The following SLC8A2 variants were observed in gnomAD, a reference collection of about 807,000 sequenced individuals.
SLC8A2 encodes solute carrier family 8 member A2.
In SLC8A2, 14 loss-of-function variants were observed where a neutral mutation model predicts 70.2. The ratio of observed to expected loss-of-function variants is 0.20; its 90% CI spans 0.13 to 0.31. The LOEUF (loss-of-function observed/expected upper bound fraction) is 0.31, where lower values mean the gene tolerates loss of function less well. Ranked by LOEUF, SLC8A2 falls within the 10% of genes least tolerant of loss-of-function variation. SLC8A2 has a pLI of 1.00. For missense variants in SLC8A2, 779 were observed against 1,320.1 expected (o/e 0.59, Z 6.35); for synonymous variants, 575 against 594.3 (o/e 0.97, Z 0.47).
At chr19:47,446,181 T>C (rs926528175) in intron 4 of SLC8A2, among the ~76,000 whole-genome samples, 2 of 151,344 alleles carry the variant, frequency 1.3e-5, no homozygotes, top group Admixed American at 6.6e-5. Flanking sequence ...GGGACTCCGC[T>C]TGAGTAGGAG....
At position 47,443,926 on chromosome 19, in the gene SLC8A2, C is replaced by T. The variant is rs145815390; in HGVS notation, c.1764-2486G>A. 1.3e-3 allele frequency among the ~76,000 whole-genome samples: 200 copies of T among 152,170 alleles called. 1 individual carries two copies. Among genetic ancestry groups the T allele is most frequent in the African/African-American group, 3.6e-3 (150 of 41,522 alleles). On this transcript the variant is annotated intron_variant, in intron 4 of 9. Transcript: ENST00000236877. ...TCTCCCTTTTTTTGAAACAAAGTCT[C>T]GCTCTGTTGCCCAGGCTGGAGTGCA...
rs564805993 is a variant in SLC8A2 at position 47,437,149 on chromosome 19, C to T, written c.2110+313G>A. On this transcript the variant is annotated intron_variant, in intron 8 of 9. Transcript: ENST00000236877. The stretch of plus-strand genomic sequence containing the variant: ...CACCGTTCATTCTGTCTCATGTCTT[C>T]TCCATGTCTCTCTGATTCTCCCTGT... 2.6e-5 allele frequency among the ~76,000 whole-genome samples: 4 copies of T among 152,284 alleles called. No individual in the cohort carries two copies. In the East Asian group the frequency reaches 7.7e-4, roughly 29 times the overall value.
intron 2 of SLC8A2, among the ~76,000 whole-genome samples, chr19:47,458,818 GTT>G (rs1599857433): frequency 6.9e-6 from 1 of 144,132 alleles, no homozygotes; most frequent in East Asian, 2.1e-4. Context: ...TCCCGTCACC[GTT>G]TCTCTCTCTC....
chr19:47,432,510 T>C lies in SLC8A2; in HGVS notation c.2111-65A>G. On this transcript the variant is annotated intron_variant, in intron 8 of 9. Transcript: ENST00000236877. The surrounding 1 kb of genome is among the most constrained non-coding windows in gnomAD (Gnocchi z 6.2). ...TCCTTCCTTGCCTACAGAGGCCCCA[T>C]TTTGTCTAACTTCCTGACAGCAAGT... is the stretch of plus-strand genomic sequence containing the variant. The C allele has an allele frequency of 6.8e-7, 1 of 1,472,018 alleles. No individual in the cohort carries two copies. Among genetic ancestry groups the C allele is most frequent in the South Asian group, 1.3e-5 (1 of 74,730 alleles). The allele number at this position is 1,472,018 out of a possible 1,614,324, so 91.2% of individuals were successfully genotyped here.
chr19:47,468,799 CAA>C lies in SLC8A2; in HGVS notation c.-16-2382_-16-2381del, dbSNP rs747364227. 6.6e-5 allele frequency among the ~76,000 whole-genome samples: 10 copies of C among 152,184 alleles called. No individual in the cohort carries two copies. The highest frequency in any genetic ancestry group is 1.5e-4 in the Non-Finnish European group (10 of 68,040). On this transcript the variant is annotated intron_variant, in intron 1 of 9. Transcript: ENST00000236877. This position sits in a 1 kb window ranked among gnomAD's most constrained non-coding sequence, Gnocchi z 5.1. ...AACTCTGGCTCCCAGGTCGCCTCTCCAAGAGTGGCCCTGACTCTGAGCTCCTC... is the reference window on the plus strand; with the variant it reads ...AACTCTGGCTCCCAGGTCGCCTCTCCGAGTGGCCCTGACTCTGAGCTCCTC...
chr19:47,434,288 A>T (rs991316198), intron 8 of SLC8A2, among the ~76,000 whole-genome samples: 1 of 152,010 alleles, frequency 6.6e-6, no homozygotes, highest in East Asian at 1.9e-4. Flanking sequence ...CCAGGCCCAC[A>T]TGCCTAGGCT....
In SLC8A2 at chr19:47,429,517, T is replaced by G. The variant is rs1599841327; in HGVS notation, c.*572A>C. 6.5e-6 allele frequency: 1 copy of G among 153,822 alleles called. No homozygotes were observed. The highest frequency in any genetic ancestry group is 1.5e-5 in the Non-Finnish European group (1 of 68,938). The allele number at this position is 153,822 out of a possible 1,614,324, so 9.5% of individuals were successfully genotyped here. A position where few individuals can be genotyped will look rare whatever the true frequency, so the allele number is the denominator to read the frequency against. Reference sequence around the variant, plus strand: ...CGAGTGGAGGGATTGGAAGGAACGGTGTGCGGCCTCCTTGCGCGCACACCC... The same window carrying G: ...CGAGTGGAGGGATTGGAAGGAACGGGGTGCGGCCTCCTTGCGCGCACACCC... On this transcript the variant is annotated 3_prime_UTR_variant, in exon 10 of 10. Coordinates refer to ENST00000236877, the MANE Select transcript of SLC8A2 (RefSeq NM_015063.3).
rs950610467 is a variant in SLC8A2, at chr19:47,447,819, C to T, written c.1753G>A (p.Asp585Asn). The T allele has an allele frequency of 1.3e-6, 2 of 1,589,870 alleles. No individual in the cohort carries two copies. Among genetic ancestry groups the T allele is most frequent in the Non-Finnish European group, 1.7e-6 (2 of 1,175,492 alleles). Residue 585 changes from aspartate to asparagine, a missense_variant, in exon 4 of 10, where the codon GAC (aspartate) becomes AAC (asparagine). Transcript: ENST00000236877. The surrounding 1 kb of genome is among the most constrained non-coding windows in gnomAD (Gnocchi z 5.1). Reference sequence around the variant, plus strand: ...CTCGGGCGTGCTCACATGGTCTCGTCGTCGCCAAACTCCAGCTCTCCGCAC... The same window carrying T: ...CTCGGGCGTGCTCACATGGTCTCGTTGTCGCCAAACTCCAGCTCTCCGCAC... ...DACGELEFGD[D>N]ETMKTLQVKI... is the part of the protein sequence containing the mutation.
intron 4 of SLC8A2, among the ~76,000 whole-genome samples, chr19:47,442,270 A>C (rs1967108649): frequency 2.0e-5 from 3 of 152,172 alleles, no homozygotes; most frequent in Non-Finnish European, 4.4e-5. Context: ...CCCATGCTTC[A>C]GCCTCACCGC....
chr19:47,457,678 G>T, intron 2 of SLC8A2, 84 bp from the exon 3 acceptor site: 2 of 879,496 alleles, frequency 2.3e-6, no homozygotes, highest in Non-Finnish European at 3.3e-6. Context: ...GTCCGCCTCT[G>T]CCACTCCTCA....
chr19:47,442,408 G>A (rs11878840), intron 4 of SLC8A2, among the ~76,000 whole-genome samples: 106,696 of 152,054 alleles, frequency 0.7, 39,373 homozygotes, highest in Middle Eastern at 0.85. Context: ...AAGTCCTTAG[G>A]ATGGCCCACA....
Position 47,447,621 on chromosome 19 carries a change from TCGTGGGCATGGGTCACAGGCCCCG to T in SLC8A2, c.1763+164_1763+187del. On this transcript the variant is annotated intron_variant, in intron 4 of 9. Coordinates refer to ENST00000236877, the MANE Select transcript of SLC8A2 (RefSeq NM_015063.3). The surrounding 1 kb of genome is among the most constrained non-coding windows in gnomAD (Gnocchi z 5.1). ...GCTGTTCAGTGAAGCCCCGCCCACG[TCGTGGGCATGGGTCACAGGCCCCG>T]CCCACGTTGCGGGCACGGCCACGCA... is the stretch of plus-strand genomic sequence containing the variant. 3 of 395,246 alleles carry T rather than the reference TCGTGGGCATGGGTCACAGGCCCCG, an allele frequency of 7.6e-6. No individual in the cohort carries two copies. The highest frequency in any genetic ancestry group is 1.3e-5 in the Non-Finnish European group (3 of 228,900). The allele number at this position is 395,246 out of a possible 1,614,324, so 24.5% of individuals were successfully genotyped here. A position where few individuals can be genotyped will look rare whatever the true frequency, so the allele number is the denominator to read the frequency against.
rs539265002 is a variant in SLC8A2, at chr19:47,466,795, C to T, written c.-16-376G>A. On this transcript the variant is annotated intron_variant, in intron 1 of 9. Coordinates refer to ENST00000236877, the MANE Select transcript of SLC8A2 (RefSeq NM_015063.3). This position sits in a 1 kb window ranked among gnomAD's most constrained non-coding sequence, Gnocchi z 6.9. ...AAGAATGTTCATAGCAGGCCGGGTG[C>T]GGTGGCTACGCCTGTAATCCCTGAA... Among the ~76,000 whole-genome samples, 6 of 152,196 alleles carry T rather than the reference C, an allele frequency of 3.9e-5. No homozygotes were observed. The highest frequency in any genetic ancestry group is 4.2e-4 in the South Asian group (2 of 4,814).
intron 1 of SLC8A2, among the ~76,000 whole-genome samples, chr19:47,470,893 G>C (rs1444858802): frequency 6.6e-6 from 1 of 152,002 alleles, no homozygotes; most frequent in Non-Finnish European, 1.5e-5. Context: ...AGTGGAGAGA[G>C]CAGGGGAGCT....
chr19:47,459,040 G>A (rs111212173), intron 2 of SLC8A2, among the ~76,000 whole-genome samples: 1 of 131,964 alleles, frequency 7.6e-6, no homozygotes, highest in East Asian at 2.3e-4. Context: ...CTCCATCTCT[G>A]TCTCTCTGTT....
At chr19:47,437,708 G>A in intron 7 of SLC8A2, 141 bp downstream of exon 7, 1 of 1,174,088 alleles carries the variant, frequency 8.5e-7, no homozygotes, top group South Asian at 1.3e-5. Flanking sequence ...AAGGAAAAGG[G>A]AGGCATGTGC....
rs564009158 is a variant in SLC8A2 at position 47,454,697 on chromosome 19, T to G, written c.1340+2233A>C. The stretch of plus-strand genomic sequence containing the variant: ...AGGTGGAGGGAAAGACCTGCAAATG[T>G]CCAAGCGCTGGAAAGAGAAGTGATG... On this transcript the variant is annotated intron_variant, in intron 3 of 9. Transcript: ENST00000236877. Among the ~76,000 whole-genome samples, 4 of 151,872 alleles carry G rather than the reference T, an allele frequency of 2.6e-5. No homozygotes were observed. The South Asian group carries it at 8.3e-4, about 32-fold the overall frequency.
intron 6 of SLC8A2, among the ~76,000 whole-genome samples, chr19:47,439,944 A>ATTGTGCCTG (rs1967080552): frequency 6.6e-6 from 1 of 152,118 alleles, no homozygotes; most frequent in South Asian, 2.1e-4. Flanking sequence ...GATTACAGAC[A>ATTGTGCCTG]TGAGGCATTG....
At chr19:47,462,924 T>C (rs2122650914) in intron 2 of SLC8A2, among the ~76,000 whole-genome samples, 1 of 152,134 alleles carries the variant, frequency 6.6e-6, no homozygotes, top group Non-Finnish European at 1.5e-5. Context: ...TCCTGTATGG[T>C]TTAACATACT....
Sources: gnomAD v4.1 joint callset for allele counts (sites outside exome capture counted in the v4.1 genomes callset) on GRCh38, gnomAD v4.1.1 for gene constraint, Gnocchi (gnomAD v3.1) non-coding constraint, MANE v1.5 for transcripts, NCBI Gene and HGNC (gene_info 2026-07-23, HGNC 2026-07-21) for gene names.